LRBA: variants seen among roughly 807,000 people sequenced by gnomAD.
LRBA encodes lipopolysaccharide-responsive and beige-like anchor protein.
A neutral mutation model predicts 330.0 loss-of-function variants in LRBA; 176 were observed. That is an observed-to-expected ratio of 0.53 (90% CI 0.47 to 0.60). The LOEUF is 0.60. Among genes scored for constraint, LRBA ranks in the 20% least tolerant of loss-of-function variants. The probability of loss-of-function intolerance (pLI) is 0.00; values close to 1 mark genes in which losing one functional copy is unlikely to be tolerated. For synonymous variants in LRBA, 1,230 were observed against 1,193.0 expected (o/e 1.03, Z -0.64); for missense variants, 3,259 against 3,444.8 (o/e 0.95, Z 1.35).
At chr4:150,568,061 T>A (rs903642292) in intron 40 of LRBA, among the ~76,000 whole-genome samples, 1 of 152,040 alleles carries the variant, frequency 6.6e-6, no homozygotes, top group African/African-American at 2.4e-5. Flanking sequence ...ATCCCAGACC[T>A]TTGGAAGGCT....
intron 40 of LRBA, among the ~76,000 whole-genome samples, chr4:150,533,335 G>A (rs1034698789): frequency 2.0e-5 from 3 of 151,798 alleles, no homozygotes; most frequent in Admixed American, 6.6e-5. Context: ...ACCACATCTG[G>A]CTAATTTTTT....
intron 36 of LRBA, among the ~76,000 whole-genome samples, chr4:150,734,171 C>T (rs1730882372): frequency 6.6e-6 from 1 of 152,006 alleles, no homozygotes; most frequent in Non-Finnish European, 1.5e-5. Flanking sequence ...CGGCTGGCAG[C>T]TAACAATCAT....
chr4:150,754,088 T>C (rs935708653), intron 35 of LRBA, among the ~76,000 whole-genome samples: 12 of 149,302 alleles, frequency 8.0e-5, no homozygotes, highest in East Asian at 1.9e-4. Context: ...AAAGTAACCA[T>C]TGAAAAATCA....
chr4:150,878,595 C>T (rs556862245), intron 17 of LRBA, among the ~76,000 whole-genome samples: 1 of 151,176 alleles, frequency 6.6e-6, no homozygotes, highest in East Asian at 1.9e-4. Flanking sequence ...ACTGATAGAC[C>T]ACTAGCTAGA....
At chr4:150,422,802 T>C in intron 46 of LRBA, 1 of 1,470,760 alleles carries the variant, frequency 6.8e-7, no homozygotes, top group African/African-American at 1.4e-5. Flanking sequence ...CTGCATGTGC[T>C]GCGGTTTGCC....
At chr4:150,984,930 GCTAT>G (rs1212419391) in intron 2 of LRBA, among the ~76,000 whole-genome samples, 11 of 152,162 alleles carry the variant, frequency 7.2e-5, no homozygotes, top group Non-Finnish European at 2.9e-5. Context: ...TGTCTATCTA[GCTAT>G]CTAACTCTTA....
chr4:150,324,599 G>A (rs1237998295), intron 49 of LRBA, among the ~76,000 whole-genome samples: 3 of 148,706 alleles, frequency 2.0e-5, no homozygotes, highest in Admixed American at 6.6e-5. Context: ...GATGTGGGAA[G>A]AGAAAGGAAA....
At chr4:150,442,573 C>A (rs373098811) in intron 44 of LRBA, among the ~76,000 whole-genome samples, 7 of 152,116 alleles carry the variant, frequency 4.6e-5, no homozygotes, top group Non-Finnish European at 8.8e-5. Flanking sequence ...ACAGATAAAG[C>A]CTGCCTTACA....
chr4:150,976,920 G>T (rs1317279802), intron 2 of LRBA, among the ~76,000 whole-genome samples: 3 of 152,212 alleles, frequency 2.0e-5, no homozygotes, highest in African/African-American at 7.2e-5. Flanking sequence ...AGAGTATTAA[G>T]ACCAGCCCTA....
At chr4:150,395,765 A>C (rs1744647812) in intron 47 of LRBA, among the ~76,000 whole-genome samples, 1 of 152,108 alleles carries the variant, frequency 6.6e-6, no homozygotes, top group African/African-American at 2.4e-5. Flanking sequence ...CCATTATCTT[A>C]ATCTTTTCCT....
At chr4:150,839,128 C>G (rs974824752) in intron 28 of LRBA, among the ~76,000 whole-genome samples, 1 of 152,138 alleles carries the variant, frequency 6.6e-6, no homozygotes, top group Non-Finnish European at 1.5e-5. Flanking sequence ...CCAACAGACA[C>G]ATGAAAAAAT....
intron 36 of LRBA, among the ~76,000 whole-genome samples, chr4:150,709,097 C>T (rs534767392): frequency 2.0e-5 from 3 of 151,786 alleles, no homozygotes; most frequent in African/African-American, 4.8e-5. Flanking sequence ...CTTTTATTAA[C>T]GTTTCATTAT....
At chr4:150,434,094 C>T (rs1287265647) in intron 46 of LRBA, among the ~76,000 whole-genome samples, 1 of 152,050 alleles carries the variant, frequency 6.6e-6, no homozygotes, top group African/African-American at 2.4e-5. Flanking sequence ...AGCAGTATAA[C>T]TTTTCTCCTT....
intron 37 of LRBA, among the ~76,000 whole-genome samples, chr4:150,670,646 G>C (rs925204178): frequency 1.3e-5 from 2 of 152,134 alleles, no homozygotes; most frequent in African/African-American, 4.8e-5. Flanking sequence ...CAGGAGACAG[G>C]GCTAGGTGAT....
chr4:150,622,926 T>C lies in LRBA; in HGVS notation c.5922-23795A>G, dbSNP rs568447361. The stretch of plus-strand genomic sequence containing the variant: ...GTTAGCCAGGATGGTCTCGATCTCC[T>C]GACCTCGTGATCCACCCGCCTCGGC... On this transcript the variant is annotated intron_variant, in intron 37 of 56. Coordinates refer to ENST00000651943, the MANE Select transcript of LRBA (RefSeq NM_001364905.1). Among the ~76,000 whole-genome samples the C allele has an allele frequency of 6.8e-3, 1,032 of 152,152 alleles. 9 individuals carry two copies. The highest frequency in any genetic ancestry group is 0.013 in the South Asian group (65 of 4,820).
intron 2 of LRBA, among the ~76,000 whole-genome samples, 196 bp from the exon 3 acceptor site, chr4:150,929,261 T>C (rs1734207763): frequency 6.6e-6 from 1 of 152,144 alleles, no homozygotes; most frequent in South Asian, 2.1e-4. Flanking sequence ...TAAGAGAATA[T>C]AAAAATTAAA....
At chr4:150,494,020 G>A (rs1759271016) in intron 40 of LRBA, among the ~76,000 whole-genome samples, 1 of 152,024 alleles carries the variant, frequency 6.6e-6, no homozygotes, top group African/African-American at 2.4e-5. Flanking sequence ...GGAATTTGAT[G>A]GCACAGTAAG....
chr4:150,447,468 C>G (rs949640731), intron 44 of LRBA, among the ~76,000 whole-genome samples: 1 of 151,918 alleles, frequency 6.6e-6, no homozygotes, highest in Non-Finnish European at 1.5e-5. Flanking sequence ...TCATCTTTTC[C>G]TGTTGTCAGT....
chr4:150,978,444 T>C (rs1037651024), intron 2 of LRBA, among the ~76,000 whole-genome samples: 1 of 152,200 alleles, frequency 6.6e-6, no homozygotes. Flanking sequence ...AAGCCCAGAC[T>C]GTGAAGACTA....
Sources: gnomAD v4.1 joint callset for allele counts (sites outside exome capture counted in the v4.1 genomes callset) on GRCh38, gnomAD v4.1.1 for gene constraint, MANE v1.5 for transcripts, NCBI Gene and HGNC (gene_info 2026-07-23, HGNC 2026-07-21) for gene names.